SLC66A3: variants seen among roughly 807,000 people sequenced by gnomAD.
SLC66A3 encodes the protein PQ loop repeat containing 3.
In SLC66A3, 23 loss-of-function variants were observed where a neutral mutation model predicts 25.5. The observed-to-expected ratio is 0.90, with a 90% CI of 0.65 to 1.28. SLC66A3 has a LOEUF of 1.28. SLC66A3 is among the 50% of genes most tolerant of loss of function. The pLI is 0.00. For missense variants in SLC66A3, 246 were observed against 262.1 expected, an observed-to-expected ratio of 0.94 and a Z score of 0.42; for synonymous variants, 108 against 112.6, an observed-to-expected ratio of 0.96 and a Z score of 0.26.
Position 11,169,862 on chromosome 2 carries a change from CAG to C in SLC66A3, c.355-2060_355-2059del, listed in dbSNP as rs1202795763. 1.1e-3 allele frequency among the ~76,000 whole-genome samples: 50 copies of C among 43,934 alleles called. 1 individual carries two copies. Among genetic ancestry groups the C allele is most frequent in the Non-Finnish European group, 2.3e-3 (38 of 16,468 alleles). 28.8% of individuals were successfully genotyped at this position (43,934 alleles called of 152,430 possible). On this transcript the variant is annotated intron_variant, in intron 4 of 6. Coordinates refer to ENST00000295083, the MANE Select transcript of SLC66A3 (RefSeq NM_152391.5). Reference sequence around the variant, plus strand: ...CTTTTTTTTTTTTTTTTTTTTGAGACAGAGTCTTGCTCTGTCACCAGGCTGGA... The same window carrying C: ...CTTTTTTTTTTTTTTTTTTTTGAGACAGTCTTGCTCTGTCACCAGGCTGGA...
chr2:11,169,102 C>G (rs1272200432), intron 4 of SLC66A3, among the ~76,000 whole-genome samples: 2 of 152,294 alleles, frequency 1.3e-5, no homozygotes, highest in East Asian at 1.9e-4. Context: ...AAGTGATCCT[C>G]CTGCCTTGGC....
At chr2:11,173,255 T>C (rs1356349952) in intron 5 of SLC66A3, among the ~76,000 whole-genome samples, 1 of 152,156 alleles carries the variant, frequency 6.6e-6, no homozygotes, top group African/African-American at 2.4e-5. Context: ...TCCCAAAGTA[T>C]TGGGATTACA....
chr2:11,177,899 A>AT lies in SLC66A3; in HGVS notation c.*73dup, dbSNP rs369917905. 1.4e-5 allele frequency: 13 copies of AT among 930,168 alleles called. No homozygotes were observed. The highest frequency in any genetic ancestry group is 8.4e-5 in the African/African-American group (5 of 59,594). The allele number at this position is 930,168 out of a possible 1,614,324, so 57.6% of individuals were successfully genotyped here. On this transcript the variant is annotated 3_prime_UTR_variant, in exon 7 of 7. Transcript: ENST00000295083. ...AAAGGAAAAAGAAGCTCTTTGCTAAATTAAGGTCTTTTATAAATTTAGTAA... is the reference window on the plus strand; with the variant it reads ...AAAGGAAAAAGAAGCTCTTTGCTAAATTTAAGGTCTTTTATAAATTTAGTAA...
At chr2:11,157,148 C>G (rs1375227315) in intron 1 of SLC66A3, among the ~76,000 whole-genome samples, 2 of 152,218 alleles carry the variant, frequency 1.3e-5, no homozygotes, top group Non-Finnish European at 2.9e-5. Context: ...AATGCAAACC[C>G]TCAGAGATAC....
At chr2:11,160,276 G>C (rs1454630636) in intron 1 of SLC66A3, 190 bp from the exon 2 acceptor site, 8 of 628,338 alleles carry the variant, frequency 1.3e-5, no homozygotes, top group East Asian at 1.1e-4. Context: ...AGTTCTGGAT[G>C]CTCCAAAAAT....
rs1415264299 is a variant in SLC66A3 at position 11,160,506 on chromosome 2, C to A, written c.184C>A (p.Pro62Thr). The stretch of plus-strand genomic sequence containing the variant: ...GCGGTACCAGTGTTACTATGGGTAT[C>A]CGCCGCTGACCTACCTGGAGTACCC... ...FLRYQCYYGY[P>T]PLTYLEYPIL... Residue 62 changes from proline (P) to threonine (T), a missense_variant, in exon 2 of 7, where the codon CCG (proline) becomes ACG (threonine). Physicochemically the swap from Pro to Thr is conservative, Grantham distance 38. Around this residue, in one of 3 missense-constraint regions of SLC66A3, gnomAD observed 142 missense variants for 130.3 expected, o/e 1.09. Coordinates refer to ENST00000295083, the MANE Select transcript of SLC66A3 (RefSeq NM_152391.5). The A allele has an allele frequency of 6.2e-7, 1 of 1,614,148 alleles. No individual in the cohort carries two copies.
At chr2:11,163,947 T>C (rs1486235818) in intron 3 of SLC66A3, among the ~76,000 whole-genome samples, 1 of 152,218 alleles carries the variant, frequency 6.6e-6, no homozygotes, top group African/African-American at 2.4e-5. Flanking sequence ...TTCCCAATCC[T>C]AGGGAGCAGT....
intron 5 of SLC66A3, among the ~76,000 whole-genome samples, chr2:11,173,224 A>G (rs999307736): frequency 1.3e-5 from 2 of 152,176 alleles, no homozygotes. Context: ...ACTGGGCTCA[A>G]GTGTTCATCT....
chr2:11,169,732 G>T (rs575018979), intron 4 of SLC66A3, among the ~76,000 whole-genome samples: 2 of 151,622 alleles, frequency 1.3e-5, no homozygotes, highest in South Asian at 4.2e-4. Context: ...CTCCCACCCT[G>T]CCCCTCTCCC....
At chr2:11,177,495 TAGCC>T (rs1331112883) in intron 6 of SLC66A3, among the ~76,000 whole-genome samples, 1 of 152,140 alleles carries the variant, frequency 6.6e-6, no homozygotes, top group Non-Finnish European at 1.5e-5. Flanking sequence ...TAACCCTTCT[TAGCC>T]AGAGCCACAT....
In SLC66A3 at chr2:11,177,946, C is replaced by G. The variant is rs1662823902; in HGVS notation, c.*118C>G. On this transcript the variant is annotated 3_prime_UTR_variant, in exon 7 of 7. Coordinates refer to ENST00000295083, the MANE Select transcript of SLC66A3 (RefSeq NM_152391.5). Reference sequence around the variant, plus strand: ...GTAAATCAGTTTATAATCTTTAAAGCCAAAGGTTTTTTTAGACTTGAAAGA... The same window carrying G: ...GTAAATCAGTTTATAATCTTTAAAGGCAAAGGTTTTTTTAGACTTGAAAGA... The G allele has an allele frequency of 1.5e-6, 1 of 666,164 alleles. No homozygotes were observed. The highest frequency in any genetic ancestry group is 2.5e-6 in the Non-Finnish European group (1 of 399,530). The allele number at this position is 666,164 out of a possible 1,614,324, so 41.3% of individuals were successfully genotyped here.
chr2:11,177,722 T>G lies in SLC66A3; in HGVS notation c.518-15T>G. On this transcript the variant is annotated splice_polypyrimidine_tract_variant and intron_variant, in intron 6 of 6. Transcript: ENST00000295083. ...TGTAAAGACAGTTTTTAATACACTT[T>G]TTTTTTTATTTCAGTTCTTCTACGT... 1 of 1,567,566 alleles carries G rather than the reference T, an allele frequency of 6.4e-7. No homozygotes were observed. Among genetic ancestry groups the G allele is most frequent in the Non-Finnish European group, 8.7e-7 (1 of 1,142,906 alleles).
In SLC66A3 at chr2:11,177,863, G is replaced by A; in HGVS notation, c.*35G>A. On this transcript the variant is annotated 3_prime_UTR_variant, in exon 7 of 7. Coordinates refer to ENST00000295083, the MANE Select transcript of SLC66A3 (RefSeq NM_152391.5). ...TATTCCTTCACACAGTGGATTTTGA[G>A]TAACTGAACCAAAGGAAAAAGAAGC... is the stretch of plus-strand genomic sequence containing the variant. The A allele has an allele frequency of 8.0e-7, 1 of 1,248,852 alleles. No homozygotes were observed. The highest frequency in any genetic ancestry group is 1.2e-6 in the Non-Finnish European group (1 of 867,938). The allele number at this position is 1,248,852 out of a possible 1,614,324, so 77.4% of individuals were successfully genotyped here. A position where few individuals can be genotyped will look rare whatever the true frequency, so the allele number is the denominator to read the frequency against.
rs1405534116 is a variant in SLC66A3 at position 11,155,467 on chromosome 2, A to G, written c.-80A>G. On this transcript the variant is annotated 5_prime_UTR_variant, in exon 1 of 7. Transcript: ENST00000295083. ...CCCGGGCGGATCCCGGGAAGGCGGA[A>G]GGCTTCGGCAGAGCTGCGCCGCCGA... is the stretch of plus-strand genomic sequence containing the variant. 3.7e-6 allele frequency: 5 copies of G among 1,336,760 alleles called. No individual in the cohort carries two copies. The highest frequency in any genetic ancestry group is 2.7e-4 in the Middle Eastern group (1 of 3,724). 82.8% of individuals were successfully genotyped at this position (1,336,760 alleles called of 1,614,324 possible). A position where few individuals can be genotyped will look rare whatever the true frequency, so the allele number is the denominator to read the frequency against.
At chr2:11,162,133 A>G (rs2147986700) in intron 3 of SLC66A3, among the ~76,000 whole-genome samples, 1 of 152,334 alleles carries the variant, frequency 6.6e-6, no homozygotes, top group Admixed American at 6.5e-5. Context: ...CCAGAAACAC[A>G]GTCAAGCAGA....
intron 1 of SLC66A3, among the ~76,000 whole-genome samples, chr2:11,155,949 A>G (rs1356587106): frequency 6.6e-6 from 1 of 152,238 alleles, no homozygotes; most frequent in Non-Finnish European, 1.5e-5. Context: ...AGATGAGAAA[A>G]CAGACCCAGC....
In SLC66A3 at chr2:11,155,590, G is replaced by A; in HGVS notation, c.44G>A (p.Gly15Asp). Residue 15 changes from glycine to aspartate, a missense_variant, in exon 1 of 7, where the codon GGC becomes GAC. By Grantham distance (94) the Gly-to-Asp change is moderately conservative. Transcript: ENST00000295083. ...GGGCTGTGTAACTGGAGCACGCTGGGCGTGTGCGCCGCGCTGAAGCTGCCG... is the reference window on the plus strand; with the variant it reads ...GGGCTGTGTAACTGGAGCACGCTGGACGTGTGCGCCGCGCTGAAGCTGCCG... Reference protein sequence around the residue: ...LLGLCNWSTLGVCAALKLPQI... With the variant: ...LLGLCNWSTLDVCAALKLPQI... The A allele has an allele frequency of 6.6e-7, 1 of 1,517,326 alleles. No individual in the cohort carries two copies. The highest frequency in any genetic ancestry group is 8.8e-7 in the Non-Finnish European group (1 of 1,142,492). The allele number at this position is 1,517,326 out of a possible 1,614,324, so 94.0% of individuals were successfully genotyped here. A position where few individuals can be genotyped will look rare whatever the true frequency, so the allele number is the denominator to read the frequency against.
At chr2:11,171,630 A>G (rs547817229) in intron 4 of SLC66A3, among the ~76,000 whole-genome samples, 3 of 151,970 alleles carry the variant, frequency 2.0e-5, no homozygotes, top group South Asian at 4.2e-4. Flanking sequence ...GTGCAGTGGC[A>G]CGATCTCAAC....
At chr2:11,158,434 C>T (rs1217324932) in intron 1 of SLC66A3, among the ~76,000 whole-genome samples, 6 of 152,234 alleles carry the variant, frequency 3.9e-5, no homozygotes, top group Middle Eastern at 6.8e-3. Context: ...AGGCCCAGGC[C>T]GGCGGATCAC....
Sources: gnomAD v4.1 joint callset for allele counts (sites outside exome capture counted in the v4.1 genomes callset) on GRCh38, gnomAD v4.1.1 for gene constraint, gnomAD v4.1.1 regional missense constraint, MANE v1.5 for transcripts, NCBI Gene and HGNC (gene_info 2026-07-23, HGNC 2026-07-21) for gene names.